GOLGA1: variants seen among roughly 807,000 people sequenced by gnomAD.
The protein encoded by GOLGA1 is golgin A1, also known as golgin subfamily A member 1.
In GOLGA1, 63 loss-of-function variants were observed where a neutral mutation model predicts 119.7. The observed-to-expected ratio is 0.53, with a 90% CI of 0.43 to 0.65. The LOEUF (loss-of-function observed/expected upper bound fraction) is 0.65. Ranked by LOEUF, GOLGA1 falls within the 30% of genes least tolerant of loss-of-function variation. The probability of loss-of-function intolerance (pLI) is 0.00; values close to 1 mark genes in which losing one functional copy is unlikely to be tolerated. For missense variants in GOLGA1, 798 were observed against 912.8 expected, an observed-to-expected ratio of 0.87 and a Z score of 1.62; for synonymous variants, 318 against 333.4, an observed-to-expected ratio of 0.95 and a Z score of 0.50.
intron 10 of GOLGA1, among the ~76,000 whole-genome samples, chr9:124,913,522 C>T (rs1222124399): frequency 1.3e-5 from 2 of 152,210 alleles, no homozygotes; most frequent in Non-Finnish European, 2.9e-5. Flanking sequence ...CCGATCTCTC[C>T]TCAGGATAAG....
At chr9:124,943,001 T>C (rs1831083214), upstream of GOLGA1, 5 of 152,124 alleles carry the variant, frequency 3.3e-5, no homozygotes. Context: ...GAGTCAAAAG[T>C]GATGAACTCA....
At chr9:124,942,122 T>C (rs1389676017), upstream of GOLGA1, among the ~76,000 whole-genome samples, 5 of 151,960 alleles carry the variant, frequency 3.3e-5, no homozygotes, top group East Asian at 9.6e-4. Flanking sequence ...AATACAAAAT[T>C]AGCCGGGCAT....
chr9:124,925,056 G>T (rs1302702368), intron 7 of GOLGA1, among the ~76,000 whole-genome samples: 1 of 150,116 alleles, frequency 6.7e-6, no homozygotes, highest in Non-Finnish European at 1.5e-5. Flanking sequence ...CTCCAGCCTG[G>T]GCGACAGAGC....
upstream of GOLGA1, chr9:124,945,888 T>A (rs1045932622): frequency 9.8e-5 from 15 of 152,292 alleles, no homozygotes; most frequent in East Asian, 1.9e-3. Context: ...GGTCCCATTA[T>A]CCAGGAAAGA....
At chr9:124,900,385 G>A in intron 13 of GOLGA1, 67 bp downstream of exon 13, 1 of 833,314 alleles carries the variant, frequency 1.2e-6, no homozygotes, top group South Asian at 1.4e-5. Context: ...TGAGTTTGGA[G>A]CATCTGCAAA....
chr9:124,926,128 A>G (rs1339476676), intron 7 of GOLGA1, among the ~76,000 whole-genome samples: 1 of 152,204 alleles, frequency 6.6e-6, no homozygotes, highest in African/African-American at 2.4e-5. Context: ...TGGTTTAATA[A>G]AGGGGCTTAT....
chr9:124,938,138 G>T (rs183222166), intron 3 of GOLGA1, among the ~76,000 whole-genome samples: 12 of 151,696 alleles, frequency 7.9e-5, no homozygotes, highest in African/African-American at 2.7e-4. Flanking sequence ...GTAATCACTG[G>T]GGCCATCTTT....
At chr9:124,917,938 C>T (rs1044738269) in intron 10 of GOLGA1, among the ~76,000 whole-genome samples, 4 of 152,066 alleles carry the variant, frequency 2.6e-5, no homozygotes, top group Non-Finnish European at 5.9e-5. Context: ...CTGCAACCTC[C>T]ACCTCCTGGG....
intron 3 of GOLGA1, 24 bp downstream of exon 3, chr9:124,938,553 T>C: frequency 6.3e-7 from 1 of 1,583,080 alleles, no homozygotes; most frequent in Non-Finnish European, 8.6e-7. Context: ...AAAGTATCTT[T>C]ATTTCTTAAG....
intron 12 of GOLGA1, among the ~76,000 whole-genome samples, chr9:124,901,420 G>A (rs914883347): frequency 3.4e-5 from 5 of 148,768 alleles, no homozygotes; most frequent in African/African-American, 9.9e-5. Context: ...ACAAGCGCAC[G>A]CCACCACGCC....
At chr9:124,906,475 C>T (rs193046903) in intron 12 of GOLGA1, among the ~76,000 whole-genome samples, 4 of 151,144 alleles carry the variant, frequency 2.6e-5, no homozygotes, top group African/African-American at 4.9e-5. Context: ...ACAGGCCGGG[C>T]GCGGTGGCTC....
intron 10 of GOLGA1, among the ~76,000 whole-genome samples, chr9:124,918,851 T>G (rs1478623747): frequency 6.6e-6 from 1 of 152,212 alleles, no homozygotes; most frequent in African/African-American, 2.4e-5. Flanking sequence ...CTGCCTTTTC[T>G]GCCTCCTGCT....
rs1829531552 is a variant in GOLGA1, at chr9:124,879,802, G to C, written c.*728C>G. The C allele has an allele frequency of 6.6e-6, 1 of 152,528 alleles. No individual in the cohort carries two copies. Among genetic ancestry groups the C allele is most frequent in the African/African-American group, 2.4e-5 (1 of 41,402 alleles). 9.4% of individuals were successfully genotyped at this position (152,528 alleles called of 1,614,324 possible). Reference sequence around the variant, plus strand: ...CAGCTATAAAAAATAGTTTAAAATGGTTTACCAGCAACCTATCCAAGACAA... The same window carrying C: ...CAGCTATAAAAAATAGTTTAAAATGCTTTACCAGCAACCTATCCAAGACAA... On this transcript the variant is annotated 3_prime_UTR_variant, in exon 23 of 23. Coordinates refer to ENST00000373555, the MANE Select transcript of GOLGA1 (RefSeq NM_002077.4).
chr9:124,897,634 C>T (rs1830010081), intron 15 of GOLGA1, among the ~76,000 whole-genome samples: 1 of 152,230 alleles, frequency 6.6e-6, no homozygotes, highest in Admixed American at 6.5e-5. Context: ...AGCCACCGCA[C>T]TGGCTCATTG....
At chr9:124,904,359 G>GTGA (rs1432463781) in intron 12 of GOLGA1, among the ~76,000 whole-genome samples, 2 of 152,144 alleles carry the variant, frequency 1.3e-5, no homozygotes, top group African/African-American at 4.8e-5. Context: ...ATGGATGGTG[G>GTGA]TGATGGTTGT....
At chr9:124,883,812 T>C (rs1310310863) in intron 19 of GOLGA1, among the ~76,000 whole-genome samples, 5 of 151,906 alleles carry the variant, frequency 3.3e-5, no homozygotes, top group Non-Finnish European at 5.9e-5. Flanking sequence ...GTCTTTGAAC[T>C]CCTGGGCTCA....
chr9:124,889,123 C>A lies in GOLGA1; in HGVS notation c.1761+20G>T. The A allele has an allele frequency of 6.3e-7, 1 of 1,585,086 alleles. No individual in the cohort carries two copies. The highest frequency in any genetic ancestry group is 8.6e-7 in the Non-Finnish European group (1 of 1,160,826). ...CCTGCATCTTGCTGTAGCACCCATG[C>A]AGGTGCAGCTGGGACTTACGTGCGA... On this transcript the variant is annotated intron_variant, in intron 18 of 22. Transcript: ENST00000373555.
chr9:124,933,757 C>T (rs1051912305), intron 3 of GOLGA1, among the ~76,000 whole-genome samples: 5 of 152,152 alleles, frequency 3.3e-5, no homozygotes, highest in Admixed American at 1.3e-4. Flanking sequence ...AGGGTGTTCA[C>T]ATGACCAGTC....
In GOLGA1 at chr9:124,879,705, G is replaced by A. The variant is rs1409972970; in HGVS notation, c.*825C>T. On this transcript the variant is annotated 3_prime_UTR_variant, in exon 23 of 23. Transcript: ENST00000373555. Reference sequence around the variant, plus strand: ...GTTTTAGGAAGAATTTCCTCTGGACGCTCTGATTTTAAGAACACCAGTTAA... The same window carrying A: ...GTTTTAGGAAGAATTTCCTCTGGACACTCTGATTTTAAGAACACCAGTTAA... 10 of 151,920 alleles carry A rather than the reference G, an allele frequency of 6.6e-5. No homozygotes were observed. The Admixed American group carries it at 6.6e-4, about 10-fold the overall frequency. 9.4% of individuals were successfully genotyped at this position (151,920 alleles called of 1,614,324 possible).
Sources: gnomAD v4.1 joint callset for allele counts (sites outside exome capture counted in the v4.1 genomes callset) on GRCh38, gnomAD v4.1.1 for gene constraint, MANE v1.5 for transcripts, NCBI Gene and HGNC (gene_info 2026-07-23, HGNC 2026-07-21) for gene names.